The following TMEM196 variants were observed in gnomAD, a reference collection of about 807,000 sequenced individuals.
TMEM196 encodes the protein transmembrane protein 196.
In TMEM196, 17 loss-of-function variants were observed where a neutral mutation model predicts 20.0. That is an observed-to-expected ratio of 0.85 (90% CI 0.58 to 1.27). The LOEUF (loss-of-function observed/expected upper bound fraction) is 1.27. Ranked by LOEUF, TMEM196 falls within the 50% of genes most tolerant of loss-of-function variation. The probability of loss-of-function intolerance (pLI) is 0.00; values close to 1 mark genes in which losing one functional copy is unlikely to be tolerated. For synonymous variants in TMEM196, 113 were observed against 88.9 expected (o/e 1.27, Z -1.52); for missense variants, 267 against 223.0 (o/e 1.20, Z -1.26).
intron 1 of TMEM196, among the ~76,000 whole-genome samples, chr7:19,750,622 T>C (rs1394141488): frequency 1.3e-5 from 2 of 152,126 alleles, no homozygotes; most frequent in Admixed American, 1.3e-4. Context: ...TACTCCCAAA[T>C]AGGACAACAG....
intron 1 of TMEM196, among the ~76,000 whole-genome samples, chr7:19,739,705 A>G (rs1784521869): frequency 6.6e-6 from 1 of 152,176 alleles, no homozygotes; most frequent in Admixed American, 6.5e-5. Context: ...ATGAACAGAT[A>G]CTTCCCTGAA....
chr7:19,762,198 T>A (rs1785461578), intron 1 of TMEM196, among the ~76,000 whole-genome samples: 1 of 152,094 alleles, frequency 6.6e-6, no homozygotes, highest in Non-Finnish European at 1.5e-5. Context: ...TAGTCATTAT[T>A]CACATAGGCT....
intron 1 of TMEM196, among the ~76,000 whole-genome samples, chr7:19,747,168 T>A (rs1029471566): frequency 1.4e-4 from 21 of 150,506 alleles, no homozygotes; most frequent in African/African-American, 4.9e-4. Context: ...GGCAGGAGAA[T>A]GGCGTGAACC....
Position 19,721,505 on chromosome 7 carries a change from TTCTC to T in TMEM196, c.*619_*622del, listed in dbSNP as rs757760152. On this transcript the variant is annotated 3_prime_UTR_variant, in exon 5 of 5. Coordinates refer to ENST00000405844, the MANE Select transcript of TMEM196 (RefSeq NM_001363562.2). ...TGCAAAAATACCATATAGATTAGTA[TTCTC>T]TCTCTCTAAAAAGTCTCTTTTTTAT... 2.0e-5 allele frequency: 3 copies of T among 152,084 alleles called. No individual in the cohort carries two copies. Among genetic ancestry groups the T allele is most frequent in the Non-Finnish European group, 4.4e-5 (3 of 67,950 alleles). The allele number at this position is 152,084 out of a possible 1,614,324, so 9.4% of individuals were successfully genotyped here. A position where few individuals can be genotyped will look rare whatever the true frequency, so the allele number is the denominator to read the frequency against.
intron 1 of TMEM196, among the ~76,000 whole-genome samples, chr7:19,730,881 C>G (rs1159438066): frequency 6.6e-6 from 1 of 152,046 alleles, no homozygotes; most frequent in Admixed American, 6.6e-5. Context: ...TTTAGATGAC[C>G]TTTCATATTA....
At chr7:19,749,567 G>C (rs1027741555) in intron 1 of TMEM196, among the ~76,000 whole-genome samples, 2 of 152,004 alleles carry the variant, frequency 1.3e-5, no homozygotes, top group African/African-American at 4.8e-5. Flanking sequence ...TAAATGTATG[G>C]AACATGATGT....
In TMEM196 at chr7:19,725,711, G is replaced by T. The variant is rs1433168662; in HGVS notation, c.262C>A (p.Gln88Lys). The change falls in exon 3 of 5, where the codon CAG becomes AAG. Residue 88 changes from glutamine to lysine, a missense_variant. By Grantham distance (53) the Gln-to-Lys change is moderately conservative. Transcript: ENST00000405844. Reference sequence around the variant, plus strand: ...TTCTTTGTGACTGCCCGGAGGAACTGAAAATTCAGGATGCCCCCAATAAGT... The same window carrying T: ...TTCTTTGTGACTGCCCGGAGGAACTTAAAATTCAGGATGCCCCCAATAAGT... ...CGLIGGILNF[Q>K]FLRAVTKKTS... 6.2e-7 allele frequency: 1 copy of T among 1,613,162 alleles called. No individual in the cohort carries two copies. The highest frequency in any genetic ancestry group is 1.3e-5 in the African/African-American group (1 of 74,902).
intron 3 of TMEM196, 145 bp downstream of exon 3, chr7:19,725,368 TA>T (rs1783956876): frequency 1.2e-5 from 13 of 1,095,064 alleles, no homozygotes; most frequent in Non-Finnish European, 1.6e-5. Flanking sequence ...AAAAATAAAA[TA>T]AAATTTCTAT....
intron 1 of TMEM196, among the ~76,000 whole-genome samples, chr7:19,730,782 C>G (rs1422901868): frequency 6.6e-6 from 1 of 151,986 alleles, no homozygotes; most frequent in African/African-American, 2.4e-5. Flanking sequence ...AGAAACTTTT[C>G]CTATAAGGGA....
intron 1 of TMEM196, among the ~76,000 whole-genome samples, chr7:19,747,287 A>AAAAT (rs1185825854): frequency 6.8e-6 from 1 of 146,056 alleles, no homozygotes; most frequent in Non-Finnish European, 1.5e-5. Context: ...AAATAAAAAT[A>AAAAT]AAAAATAAAA....
At chr7:19,723,625 A>G (rs1367673784) in intron 4 of TMEM196, among the ~76,000 whole-genome samples, 1 of 152,184 alleles carries the variant, frequency 6.6e-6, no homozygotes, top group East Asian at 1.9e-4. Flanking sequence ...TTAATTTAAT[A>G]GGAAGATTGT....
At chr7:19,762,958 A>G (rs747936854) in intron 1 of TMEM196, among the ~76,000 whole-genome samples, 1 of 152,194 alleles carries the variant, frequency 6.6e-6, no homozygotes, top group Non-Finnish European at 1.5e-5. Flanking sequence ...GGCATTAGGA[A>G]CTTGCCCCCA....
At chr7:19,733,908 A>C (rs898617286) in intron 1 of TMEM196, among the ~76,000 whole-genome samples, 7 of 152,160 alleles carry the variant, frequency 4.6e-5, no homozygotes, top group Non-Finnish European at 1.0e-4. Context: ...ACAACAAAAC[A>C]CTTTCTCCTT....
intron 1 of TMEM196, among the ~76,000 whole-genome samples, chr7:19,748,853 G>C (rs138315258): frequency 3.2e-4 from 48 of 152,092 alleles, no homozygotes; most frequent in Admixed American, 9.8e-4. Flanking sequence ...CAGAAGACTA[G>C]AATAAAAAAT....
chr7:19,759,424 C>T (rs764279561), intron 1 of TMEM196, among the ~76,000 whole-genome samples: 13 of 152,120 alleles, frequency 8.5e-5, no homozygotes, highest in African/African-American at 1.7e-4. Context: ...AGCTTTATTT[C>T]GGTGGTGTCA....
chr7:19,744,182 A>G (rs551365199), intron 1 of TMEM196, among the ~76,000 whole-genome samples: 6 of 152,196 alleles, frequency 3.9e-5, no homozygotes, highest in Non-Finnish European at 8.8e-5. Flanking sequence ...TTGTTAATGT[A>G]ACAGCTTTCA....
chr7:19,751,153 A>G (rs868031409), intron 1 of TMEM196, among the ~76,000 whole-genome samples: 1 of 152,222 alleles, frequency 6.6e-6, no homozygotes, highest in African/African-American at 2.4e-5. Context: ...AGAGAAAATA[A>G]TTCCTCTCCC....
chr7:19,766,992 C>G (rs776329412), intron 1 of TMEM196, among the ~76,000 whole-genome samples: 2 of 152,062 alleles, frequency 1.3e-5, no homozygotes, highest in African/African-American at 4.8e-5. Flanking sequence ...TTCTATCAAG[C>G]AAACTGTCAA....
At position 19,772,738 on chromosome 7, in the gene TMEM196, A is replaced by G; in HGVS notation, c.-42T>C. The G allele has an allele frequency of 1.4e-6, 2 of 1,434,150 alleles. No homozygotes were observed. Among genetic ancestry groups the G allele is most frequent in the South Asian group, 1.4e-5 (1 of 70,666 alleles). The allele number at this position is 1,434,150 out of a possible 1,614,324, so 88.8% of individuals were successfully genotyped here. On this transcript the variant is annotated 5_prime_UTR_variant, in exon 1 of 5. Transcript: ENST00000405844. ...TCCTTCCAGATCAGAGAGGGAAATC[A>G]ACCATCTACCTTTTTTTCTTCCACT...
Sources: allele counts gnomAD v4.1 joint callset (sites outside exome capture counted in the v4.1 genomes callset), GRCh38; gene constraint gnomAD v4.1.1; transcripts MANE v1.5; gene names NCBI Gene and HGNC (gene_info 2026-07-23, HGNC 2026-07-21).